Variants in IL18RAP observed in about 807,000 individuals in gnomAD.
IL18RAP encodes interleukin-18 receptor accessory protein.
Under a neutral mutation model 58.1 loss-of-function variants are expected in IL18RAP, and 37 were observed. That is an observed-to-expected ratio of 0.64 (90% CI 0.49 to 0.84). The LOEUF is 0.84. Ranked by LOEUF, IL18RAP falls within the 40% of genes least tolerant of loss-of-function variation. IL18RAP has a pLI of 0.00. For synonymous variants in IL18RAP, 268 were observed against 257.5 expected (o/e 1.04, Z -0.39); for missense variants, 667 against 704.8 (o/e 0.95, Z 0.61).
intron 3 of IL18RAP, among the ~76,000 whole-genome samples, chr2:102,436,025 T>C (rs1176568254): frequency 1.3e-5 from 2 of 152,216 alleles, no homozygotes; most frequent in Non-Finnish European, 2.9e-5. Flanking sequence ...GGATTAACTG[T>C]AATTGTATTA....
rs772742748 is a variant in IL18RAP, at chr2:102,437,220, A to T, written c.588A>T (p.Lys196Asn). ...SPAVTWYKNG[K>N]LLSVERSNRI... The stretch of plus-strand genomic sequence containing the variant: ...AATATCTTTTGGATTAGAATGGAAA[A>T]CTCCTCTCTGTGGAAAGGAGCAACC... Residue 196 changes from lysine (K) to asparagine (N), a missense_variant, in exon 4 of 10, where the codon AAA becomes AAT. By Grantham distance (94) the Lys-to-Asn change is moderately conservative. Coordinates refer to ENST00000687160, the MANE Select transcript of IL18RAP (RefSeq NM_001393487.1). 6.2e-7 allele frequency: 1 copy of T among 1,606,274 alleles called. No individual in the cohort carries two copies. Among genetic ancestry groups the T allele is most frequent in the Non-Finnish European group, 8.5e-7 (1 of 1,177,156 alleles).
chr2:102,445,405 T>G, intron 7 of IL18RAP, 65 bp downstream of exon 7: 1 of 1,452,680 alleles, frequency 6.9e-7, no homozygotes, highest in Non-Finnish European at 9.6e-7. Flanking sequence ...GGAGTTTTCC[T>G]AAAGAATAGT....
At chr2:102,421,116 G>A (rs1681547690), upstream of IL18RAP, among the ~76,000 whole-genome samples, 1 of 152,204 alleles carries the variant, frequency 6.6e-6, no homozygotes, top group African/African-American at 2.4e-5. Context: ...TTCCTGCAGA[G>A]AGGCTGCAGG....
chr2:102,449,632 T>C (rs1683642597), intron 8 of IL18RAP, among the ~76,000 whole-genome samples: 1 of 152,208 alleles, frequency 6.6e-6, no homozygotes, highest in Non-Finnish European at 1.5e-5. Context: ...TAATGCTAAG[T>C]AACCAAAATT....
At position 102,448,514 on chromosome 2, in the gene IL18RAP, C is replaced by A. The variant is rs1400510985; in HGVS notation, c.1210+1307C>A. 4.6e-5 allele frequency among the ~76,000 whole-genome samples: 7 copies of A among 152,264 alleles called. No individual in the cohort carries two copies. In the East Asian group the frequency reaches 1.4e-3, roughly 29 times the overall value. On this transcript the variant is annotated intron_variant, in intron 8 of 9. Transcript: ENST00000687160. ...AGGTTTGCAGTTTTAGTAAATGACT[C>A]TGTTGCTTGGAAAAAGCAGAATCCC...
chr2:102,450,364 T>C (rs1378396079), intron 8 of IL18RAP, among the ~76,000 whole-genome samples: 1 of 152,154 alleles, frequency 6.6e-6, no homozygotes, highest in East Asian at 1.9e-4. Flanking sequence ...GTTATGATTG[T>C]CTTTATTTTA....
chr2:102,443,004 A>T (rs1354494974), intron 5 of IL18RAP, among the ~76,000 whole-genome samples, 196 bp from the exon 6 acceptor site: 1 of 152,216 alleles, frequency 6.6e-6, no homozygotes, highest in Non-Finnish European at 1.5e-5. Flanking sequence ...AGGATTGCCC[A>T]TTAGAAAAAA....
intron 8 of IL18RAP, among the ~76,000 whole-genome samples, chr2:102,450,319 T>G (rs1325641205): frequency 1.1e-5 from 1 of 90,288 alleles, no homozygotes; most frequent in Non-Finnish European, 2.4e-5. Flanking sequence ...TCATATACAT[T>G]ATCTCATGAA....
Position 102,423,864 on chromosome 2 carries a change from T to A in IL18RAP, c.124T>A (p.Phe42Ile). 6.2e-7 allele frequency: 1 copy of A among 1,613,974 alleles called. No individual in the cohort carries two copies. The highest frequency in any genetic ancestry group is 8.5e-7 in the Non-Finnish European group (1 of 1,179,956). The stretch of plus-strand genomic sequence containing the variant: ...ATATTCTACAAGGAGTGAAGAGGAA[T>A]TTGTCTTATTTTGTGATTTACCAGA... ...WTYSTRSEEE[F>I]VLFCDLPEPQ... Residue 42 changes from phenylalanine to isoleucine, a missense_variant, in exon 2 of 10, where the codon TTT becomes ATT. Phe to Ile is a conservative substitution (Grantham distance 21). Coordinates refer to ENST00000687160, the MANE Select transcript of IL18RAP (RefSeq NM_001393487.1).
rs936478719 is a variant in IL18RAP, at chr2:102,452,288, G to A, written c.*107G>A. 2.7e-6 allele frequency: 3 copies of A among 1,114,626 alleles called. No homozygotes were observed. Among genetic ancestry groups the A allele is most frequent in the African/African-American group, 3.1e-5 (2 of 63,734 alleles). The allele number at this position is 1,114,626 out of a possible 1,614,324, so 69.0% of individuals were successfully genotyped here. A position where few individuals can be genotyped will look rare whatever the true frequency, so the allele number is the denominator to read the frequency against. ...TTCAGGCTGATAGGAAATTCAAAGAGTCTCCTGCCAGCACCAAGCAAGCTT... is the reference window on the plus strand; with the variant it reads ...TTCAGGCTGATAGGAAATTCAAAGAATCTCCTGCCAGCACCAAGCAAGCTT... On this transcript the variant is annotated 3_prime_UTR_variant, in exon 10 of 10. Coordinates refer to ENST00000687160, the MANE Select transcript of IL18RAP (RefSeq NM_001393487.1).
chr2:102,452,000 G>C lies in IL18RAP; in HGVS notation c.1619G>C (p.Arg540Thr). 1 of 1,614,150 alleles carries C rather than the reference G, an allele frequency of 6.2e-7. No homozygotes were observed. The change falls in exon 10 of 10, where the codon AGA (arginine) becomes ACA (threonine). Residue 540 changes from arginine (R) to threonine (T), a missense_variant. Coordinates refer to ENST00000687160, the MANE Select transcript of IL18RAP (RefSeq NM_001393487.1). ...AGGGTTTTGCCCACAGTTACTTGGA[G>C]AGGCTTAAAATCAGTTCCTCCCAAT... The part of the protein sequence containing the change: ...ALRVLPTVTW[R>T]GLKSVPPNSR...
At chr2:102,423,082 C>T (rs1459465784), upstream of IL18RAP, 18 of 608,068 alleles carry the variant, frequency 3.0e-5, no homozygotes, top group Middle Eastern at 8.1e-4. Context: ...AAGTGAAGGC[C>T]GGTTTGGGTA....
Position 102,450,933 on chromosome 2 carries a change from C to T in IL18RAP, c.1296C>T (p.His432=). 4 of 1,612,782 alleles carry T rather than the reference C, an allele frequency of 2.5e-6. No homozygotes were observed. The highest frequency in any genetic ancestry group is 3.4e-6 in the Non-Finnish European group (4 of 1,179,390). ...SEATSSLSEE[H]LALSLFPDVL... is the part of the protein sequence containing the mutation. ...CCACTTCATCTCTGAGTGAAGAACA[C>T]TTGGCCCTGAGCCTATTTCCTGATG... Residue 432 remains histidine (H), a synonymous_variant, in exon 9 of 10, where the codon CAC becomes CAT. Transcript: ENST00000687160.
At chr2:102,450,553 G>T (rs1683700003) in intron 8 of IL18RAP, among the ~76,000 whole-genome samples, 1 of 152,174 alleles carries the variant, frequency 6.6e-6, no homozygotes, top group Non-Finnish European at 1.5e-5. Flanking sequence ...CAGGTGCAAA[G>T]AAGGCTCAGA....
In IL18RAP at chr2:102,423,192, C is replaced by T; in HGVS notation, c.-86C>T. The T allele has an allele frequency of 8.2e-7, 1 of 1,215,748 alleles. No homozygotes were observed. 75.3% of individuals were successfully genotyped at this position (1,215,748 alleles called of 1,614,324 possible). ...TTGATTTACAGAAATGAAGGGGATA[C>T]TCAGGGCAGAGTTCTGAATCTCAAA... is the stretch of plus-strand genomic sequence containing the variant. On this transcript the variant is annotated 5_prime_UTR_variant, in exon 1 of 10. Coordinates refer to ENST00000687160, the MANE Select transcript of IL18RAP (RefSeq NM_001393487.1).
upstream of IL18RAP, chr2:102,418,974 T>G (rs11465674): frequency 9.8e-3 from 1,493 of 152,422 alleles, 10 homozygotes; most frequent in Non-Finnish European, 0.014. Context: ...TTTCACTAGA[T>G]TTCCTAACCA....
At chr2:102,442,249 A>G (rs1181996662) in intron 5 of IL18RAP, among the ~76,000 whole-genome samples, 1 of 152,072 alleles carries the variant, frequency 6.6e-6, no homozygotes, top group African/African-American at 2.4e-5. Flanking sequence ...TACACAGACA[A>G]ATAAGAATTG....
rs1683723504 is a variant in IL18RAP, at chr2:102,450,932, A to C, written c.1295A>C (p.His432Pro). ...SEATSSLSEE[H>P]LALSLFPDVL... is the part of the protein sequence containing the mutation. The stretch of plus-strand genomic sequence containing the variant: ...GCCACTTCATCTCTGAGTGAAGAAC[A>C]CTTGGCCCTGAGCCTATTTCCTGAT... Residue 432 changes from histidine (H) to proline (P), a missense_variant, in exon 9 of 10, where the codon CAC becomes CCC. Transcript: ENST00000687160. The C allele has an allele frequency of 6.2e-7, 1 of 1,612,702 alleles. No individual in the cohort carries two copies.
chr2:102,446,032 G>A lies in IL18RAP; in HGVS notation c.1072+692G>A, dbSNP rs574137803. Reference sequence around the variant, plus strand: ...TCTGTGAAGGGGGTTTTCCCCCATGGGAGTATGCAGGAGATCCCTCGTGTC... The same window carrying A: ...TCTGTGAAGGGGGTTTTCCCCCATGAGAGTATGCAGGAGATCCCTCGTGTC... On this transcript the variant is annotated intron_variant, in intron 7 of 9. Transcript: ENST00000687160. Among the ~76,000 whole-genome samples the A allele has an allele frequency of 3.2e-3, 492 of 152,306 alleles. 2 individuals are homozygous for A. Among genetic ancestry groups the A allele is most frequent in the Middle Eastern group, 6.8e-3 (2 of 294 alleles).
Sources: gnomAD v4.1 joint callset for allele counts (sites outside exome capture counted in the v4.1 genomes callset) on GRCh38, gnomAD v4.1.1 for gene constraint, MANE v1.5 for transcripts, NCBI Gene and HGNC (gene_info 2026-07-23, HGNC 2026-07-21) for gene names.